Variants in SNRPD3 observed in about 807,000 individuals in gnomAD.
The protein encoded by SNRPD3 is small nuclear ribonucleoprotein D3 polypeptide.
For synonymous variants in SNRPD3, 66 were observed against 58.4 expected (o/e 1.13, Z -0.59); for missense variants, 73 against 167.5 (o/e 0.44, Z 3.11).
chr22:24,556,416 G>T (rs183124952), intron 1 of SNRPD3, among the ~76,000 whole-genome samples: 368 of 144,552 alleles, frequency 2.5e-3, no homozygotes, highest in African/African-American at 9.0e-3. Flanking sequence ...TCACCATGTT[G>T]CCCTGGCTGG....
chr22:24,565,471 CTTG>C (rs2045188117), intron 2 of SNRPD3, among the ~76,000 whole-genome samples: 1 of 152,110 alleles, frequency 6.6e-6, no homozygotes. Context: ...GCTTTGTTGT[CTTG>C]TATTTTCAAA....
chr22:24,557,928 T>A, intron 2 of SNRPD3, 128 bp downstream of exon 2: 1 of 863,338 alleles, frequency 1.2e-6, no homozygotes, highest in Non-Finnish European at 1.7e-6. Context: ...GCCTAATGCA[T>A]ACCAGTCAGG....
chr22:24,562,496 A>G (rs1294396102), intron 2 of SNRPD3, among the ~76,000 whole-genome samples: 2 of 151,838 alleles, frequency 1.3e-5, no homozygotes, highest in Non-Finnish European at 2.9e-5. Context: ...ATGAGCCAAG[A>G]TCGCGCCACT....
chr22:24,565,692 G>C (rs2045191011), intron 2 of SNRPD3, among the ~76,000 whole-genome samples: 1 of 152,040 alleles, frequency 6.6e-6, no homozygotes, highest in African/African-American at 2.4e-5. Context: ...ACGGCGTCTT[G>C]CTCTGTTGCC....
chr22:24,557,590 C>A, intron 1 of SNRPD3, 67 bp from the exon 2 acceptor site: 1 of 1,153,888 alleles, frequency 8.7e-7, no homozygotes, highest in Non-Finnish European at 1.3e-6. Flanking sequence ...TTAAAGGAAG[C>A]ATGATGTGTG....
intron 2 of SNRPD3, among the ~76,000 whole-genome samples, chr22:24,558,409 C>G (rs2045101211): frequency 6.6e-6 from 1 of 152,190 alleles, no homozygotes; most frequent in African/African-American, 2.4e-5. Context: ...TCAGTTGTAT[C>G]TTCACACTTT....
upstream of SNRPD3, chr22:24,555,659 T>C: frequency 6.4e-7 from 1 of 1,550,670 alleles, no homozygotes; most frequent in South Asian, 1.2e-5. Context: ...CGGGAAGTCC[T>C]GGCCCTTGGC....
At chr22:24,563,307 T>TATA (rs200553209) in intron 2 of SNRPD3, among the ~76,000 whole-genome samples, 764 of 59,704 alleles carry the variant, frequency 0.013, 8 homozygotes, top group African/African-American at 0.071. Context: ...TATATATATA[T>TATA]TTTTTTTTTT....
intron 2 of SNRPD3, among the ~76,000 whole-genome samples, chr22:24,564,189 C>T (rs1193351104): frequency 6.6e-6 from 1 of 152,046 alleles, no homozygotes; most frequent in East Asian, 1.9e-4. Context: ...GTGAAATTGT[C>T]CTAAAGAATG....
intron 2 of SNRPD3, among the ~76,000 whole-genome samples, chr22:24,566,605 C>T (rs1366963257): frequency 6.6e-6 from 1 of 152,180 alleles, no homozygotes; most frequent in Non-Finnish European, 1.5e-5. Flanking sequence ...GCTGGGTGGC[C>T]AGTTAGCACT....
intron 2 of SNRPD3, among the ~76,000 whole-genome samples, chr22:24,560,428 CTTTTTTTTTTTTTTTTTTTTTT>C (rs60835175): frequency 2.0e-5 from 1 of 49,074 alleles, no homozygotes; most frequent in African/African-American, 8.0e-5. Flanking sequence ...AGCTTGCTTG[CTTTTTTTTTTTTTTTTTTTTTT>C]TTTTTTTTTT....
At chr22:24,559,148 T>C (rs1229028300) in intron 2 of SNRPD3, among the ~76,000 whole-genome samples, 2 of 152,180 alleles carry the variant, frequency 1.3e-5, no homozygotes, top group African/African-American at 4.8e-5. Flanking sequence ...CGGTCAGGCA[T>C]CCTGACCATC....
Position 24,573,450 on chromosome 22 carries a change from C to CTA in SNRPD3, c.*1473_*1474insTA, listed in dbSNP as rs1370987094. On this transcript the variant is annotated 3_prime_UTR_variant, in exon 4 of 4. Coordinates refer to ENST00000215829, the MANE Select transcript of SNRPD3 (RefSeq NM_004175.5). ...GAAAGAGGAGGGGAAAAAAATCCAGCACATTAGTTAACCTGGCATCAATTA... is the reference window on the plus strand; with the variant it reads ...GAAAGAGGAGGGGAAAAAAATCCAGCTAACATTAGTTAACCTGGCATCAATTA... 2.0e-5 allele frequency among the ~76,000 whole-genome samples: 3 copies of CTA among 152,180 alleles called. No individual in the cohort carries two copies. Among genetic ancestry groups the CTA allele is most frequent in the Non-Finnish European group, 4.4e-5 (3 of 68,038 alleles).
intron 2 of SNRPD3, among the ~76,000 whole-genome samples, chr22:24,565,046 G>A (rs2045184269): frequency 6.6e-6 from 1 of 151,750 alleles, no homozygotes; most frequent in East Asian, 1.9e-4. Flanking sequence ...ACCACACCTG[G>A]CTAATTGTTA....
At chr22:24,571,751 A>T (rs868756307) in intron 3 of SNRPD3, among the ~76,000 whole-genome samples, 165 bp from the exon 4 acceptor site, 34 of 107,426 alleles carry the variant, frequency 3.2e-4, no homozygotes, top group African/African-American at 1.1e-3. Flanking sequence ...CTCAAAAAAT[A>T]AAAAAAAAAA....
At chr22:24,564,119 G>T (rs1309074297) in intron 2 of SNRPD3, among the ~76,000 whole-genome samples, 1 of 152,084 alleles carries the variant, frequency 6.6e-6, no homozygotes, top group Non-Finnish European at 1.5e-5. Flanking sequence ...TAGGTAGATG[G>T]CCTTAGTTGG....
intron 2 of SNRPD3, among the ~76,000 whole-genome samples, chr22:24,561,020 T>G (rs2147120900): frequency 6.7e-6 from 1 of 149,708 alleles, no homozygotes; most frequent in Admixed American, 6.6e-5. Flanking sequence ...ATTACAGGCA[T>G]GAGCCACTGC....
At chr22:24,563,306 A>ATAT (rs1235596809) in intron 2 of SNRPD3, among the ~76,000 whole-genome samples, 15 of 65,194 alleles carry the variant, frequency 2.3e-4, no homozygotes, top group African/African-American at 7.9e-4. Context: ...ATATATATAT[A>ATAT]TTTTTTTTTT....
At position 24,565,852 on chromosome 22, in the gene SNRPD3, G is replaced by C. The variant is rs2045192577; in HGVS notation, c.127-2132G>C. ...ATTTTTGTATTTTTAGTAGAGCCAG[G>C]GTTTCACCGTGTTTGCCAGACTGGT... On this transcript the variant is annotated intron_variant, in intron 2 of 3. Coordinates refer to ENST00000215829, the MANE Select transcript of SNRPD3 (RefSeq NM_004175.5). 3.3e-5 allele frequency among the ~76,000 whole-genome samples: 5 copies of C among 152,006 alleles called. No homozygotes were observed. In the South Asian group the frequency reaches 1.0e-3, roughly 31 times the overall value.
Sources: allele counts gnomAD v4.1 joint callset (sites outside exome capture counted in the v4.1 genomes callset), GRCh38; gene constraint gnomAD v4.1.1; transcripts MANE v1.5; gene names NCBI Gene and HGNC (gene_info 2026-07-23, HGNC 2026-07-21).